Variants in SMYD3 observed in about 807,000 individuals in gnomAD.
The protein encoded by SMYD3 is SET and MYND domain containing 3.
In SMYD3, 36 loss-of-function variants were observed where a neutral mutation model predicts 57.7. The ratio of observed to expected loss-of-function variants is 0.62; its 90% CI spans 0.48 to 0.82. The LOEUF is 0.82. Ranked by LOEUF, SMYD3 falls within the 40% of genes least tolerant of loss-of-function variation. SMYD3 has a pLI of 0.00. For synonymous variants in SMYD3, 211 were observed against 195.0 expected (o/e 1.08, Z -0.68); for missense variants, 515 against 538.8 (o/e 0.96, Z 0.44).
At chr1:245,962,680 T>C (rs2058041078) in intron 5 of SMYD3, among the ~76,000 whole-genome samples, 1 of 149,296 alleles carries the variant, frequency 6.7e-6, no homozygotes, top group Admixed American at 6.8e-5. Context: ...CCAAAAATCT[T>C]GTGCCAAGGT....
intron 7 of SMYD3, among the ~76,000 whole-genome samples, chr1:245,919,020 G>A (rs1057124480): frequency 1.3e-5 from 2 of 152,202 alleles, no homozygotes; most frequent in South Asian, 4.1e-4. Context: ...CAGGAGACTA[G>A]TTATTTCATT....
At chr1:246,246,400 A>T (rs4654225) in intron 5 of SMYD3, among the ~76,000 whole-genome samples, 4 of 151,986 alleles carry the variant, frequency 2.6e-5, no homozygotes, top group Non-Finnish European at 5.9e-5. Context: ...ACTGGAAAGT[A>T]AGTCTATTTG....
intron 9 of SMYD3, among the ~76,000 whole-genome samples, chr1:245,862,604 C>T (rs898035857): frequency 2.7e-5 from 4 of 146,122 alleles, no homozygotes; most frequent in Admixed American, 2.1e-4. Context: ...TATCTTCATT[C>T]GAGGTATGGA....
At chr1:246,349,054 G>A (rs888831394) in intron 2 of SMYD3, among the ~76,000 whole-genome samples, 1 of 152,086 alleles carries the variant, frequency 6.6e-6, no homozygotes, top group Non-Finnish European at 1.5e-5. Context: ...TTGAGGAAAT[G>A]TATTGCCAGT....
At chr1:246,162,650 CTT>C (rs1002233726) in intron 5 of SMYD3, among the ~76,000 whole-genome samples, 14 of 152,102 alleles carry the variant, frequency 9.2e-5, no homozygotes, top group African/African-American at 3.4e-4. Context: ...AAATCTGAAA[CTT>C]ATATTTCTCA....
At chr1:245,863,657 G>A (rs1277240024) in intron 9 of SMYD3, 142 bp downstream of exon 9, 3 of 687,998 alleles carry the variant, frequency 4.4e-6, no homozygotes, top group African/African-American at 3.6e-5. Context: ...GGTCGGAGGT[G>A]CGGCCTGTGA....
intron 5 of SMYD3, among the ~76,000 whole-genome samples, chr1:245,994,365 C>A (rs1454689307): frequency 1.3e-5 from 2 of 152,208 alleles, no homozygotes; most frequent in African/African-American, 2.4e-5. Flanking sequence ...GCGAAGGCGT[C>A]AGCTGAGAGG....
intron 2 of SMYD3, among the ~76,000 whole-genome samples, chr1:246,348,685 C>T (rs1289953182): frequency 2.0e-5 from 3 of 152,258 alleles, no homozygotes; most frequent in South Asian, 4.2e-4. Context: ...TTCAATCATA[C>T]TCGAAACCTC....
intron 8 of SMYD3, among the ~76,000 whole-genome samples, chr1:245,866,306 G>C (rs2051838301): frequency 6.7e-6 from 1 of 149,936 alleles, no homozygotes; most frequent in African/African-American, 2.5e-5. Flanking sequence ...CTATGTGTAT[G>C]TGCTGTGTGT....
intron 5 of SMYD3, among the ~76,000 whole-genome samples, chr1:246,136,782 G>A (rs1164560746): frequency 2.0e-5 from 3 of 152,212 alleles, no homozygotes; most frequent in Admixed American, 2.0e-4. Flanking sequence ...TGAATGGTAG[G>A]CTGGAACTAA....
intron 5 of SMYD3, among the ~76,000 whole-genome samples, chr1:246,226,265 T>C (rs10924571): frequency 0.21 from 31,519 of 152,106 alleles, 3,968 homozygotes; most frequent in East Asian, 0.58. Context: ...AAATGTATTA[T>C]AAATGCATTT....
chr1:245,799,018 T>C (rs531054608), intron 10 of SMYD3, among the ~76,000 whole-genome samples: 2 of 152,298 alleles, frequency 1.3e-5, no homozygotes, highest in South Asian at 4.2e-4. Context: ...TTCACTCCTG[T>C]CTGCACCCTC....
chr1:245,783,206 G>A (rs1346188248), intron 10 of SMYD3, among the ~76,000 whole-genome samples: 2 of 152,022 alleles, frequency 1.3e-5, no homozygotes, highest in African/African-American at 2.4e-5. Context: ...GAGATATGAG[G>A]AGCCTTCACA....
At chr1:246,234,454 C>G (rs1427596739) in intron 5 of SMYD3, among the ~76,000 whole-genome samples, 1 of 152,082 alleles carries the variant, frequency 6.6e-6, no homozygotes, top group Non-Finnish European at 1.5e-5. Context: ...CAGAGAAGTA[C>G]TCCTTCCGTT....
Position 246,497,739 on chromosome 1 carries a change from C to A in SMYD3, c.164+9315G>T, listed in dbSNP as rs191815917. On this transcript the variant is annotated intron_variant, in intron 1 of 11. Transcript: ENST00000490107. The stretch of plus-strand genomic sequence containing the variant: ...GGGTATGATGTTGCACGCCTGTGGT[C>A]TCAGCTGCTCAGAAAATTCTGGAGG... Among the ~76,000 whole-genome samples the A allele has an allele frequency of 1.1e-3, 165 of 152,086 alleles. 1 individual carries two copies. The highest frequency in any genetic ancestry group is 2.9e-3 in the African/African-American group (119 of 41,500).
chr1:246,209,894 AGACT>A (rs1470094167), intron 5 of SMYD3, among the ~76,000 whole-genome samples: 1 of 152,216 alleles, frequency 6.6e-6, no homozygotes, highest in Non-Finnish European at 1.5e-5. Context: ...GGGAGGGAAC[AGACT>A]GAACAGGTAA....
At chr1:246,501,512 T>C (rs2068454676) in intron 1 of SMYD3, among the ~76,000 whole-genome samples, 3 of 152,176 alleles carry the variant, frequency 2.0e-5, no homozygotes. Context: ...AGTCAACCCA[T>C]TATCTGACCA....
intron 5 of SMYD3, among the ~76,000 whole-genome samples, chr1:246,265,485 A>G (rs566740327): frequency 2.6e-5 from 4 of 152,202 alleles, no homozygotes; most frequent in African/African-American, 7.2e-5. Flanking sequence ...TTAAGAAAAA[A>G]TTCTCATTTT....
intron 5 of SMYD3, among the ~76,000 whole-genome samples, chr1:246,312,226 C>G (rs1265617842): frequency 6.6e-6 from 1 of 152,060 alleles, no homozygotes; most frequent in Admixed American, 6.5e-5. Context: ...TGATTTCATA[C>G]AAAGGCAGTA....
Sources: gnomAD v4.1 joint callset for allele counts (sites outside exome capture counted in the v4.1 genomes callset) on GRCh38, gnomAD v4.1.1 for gene constraint, MANE v1.5 for transcripts, NCBI Gene and HGNC (gene_info 2026-07-23, HGNC 2026-07-21) for gene names.